Variants in SLC1A7 observed in about 807,000 individuals in gnomAD.
SLC1A7 encodes excitatory amino acid transporter 5.
In SLC1A7, 40 loss-of-function variants were observed where a neutral mutation model predicts 47.7. That is an observed-to-expected ratio of 0.84 (90% confidence interval 0.65 to 1.09). The LOEUF is 1.09. SLC1A7 is among the 50% of genes least tolerant of loss of function. SLC1A7 has a pLI of 0.00. For missense variants in SLC1A7, 746 were observed against 769.5 expected (o/e 0.97, Z 0.36); for synonymous variants, 323 against 325.6 (o/e 0.99, Z 0.09).
intron 3 of SLC1A7, chr1:53,114,511 G>A (rs2150332750): frequency 1.9e-6 from 1 of 517,900 alleles, no homozygotes. Context: ...AATGCTCACA[G>A]ATGTCTGCTC....
chr1:53,096,382 C>T (rs1014156588), intron 5 of SLC1A7, among the ~76,000 whole-genome samples: 6 of 148,252 alleles, frequency 4.0e-5, no homozygotes, highest in African/African-American at 1.5e-4. Context: ...TCACACATCC[C>T]GCCTAGGTAC....
In SLC1A7 at chr1:53,118,080, G is replaced by A. The variant is rs1415995556; in HGVS notation, c.216-3107C>T. 5.9e-5 allele frequency among the ~76,000 whole-genome samples: 9 copies of A among 152,246 alleles called. No homozygotes were observed. The South Asian group carries it at 6.2e-4, about 11-fold the overall frequency. ...TGAGGGCGGAGGCCAAGAAGAATGG[G>A]AGCTGGGCATGCAGAGGTCGTGGCT... On this transcript the variant is annotated intron_variant, in intron 2 of 10. Transcript: ENST00000371494.
At chr1:53,097,195 C>T (rs1426135221) in intron 5 of SLC1A7, among the ~76,000 whole-genome samples, 1 of 151,384 alleles carries the variant, frequency 6.6e-6, no homozygotes, top group Non-Finnish European at 1.5e-5. Context: ...CACCTCAGAA[C>T]ATTCACACAC....
chr1:53,114,361 CACTACCTACCTACCGGTG>C, intron 3 of SLC1A7, among the ~76,000 whole-genome samples: 1 of 152,160 alleles, frequency 6.6e-6, no homozygotes, highest in East Asian at 1.9e-4. Context: ...ATCCTGTCTC[CACTACCTACCTACCGGTG>C]ACTCTGGAAA....
intron 2 of SLC1A7, among the ~76,000 whole-genome samples, chr1:53,125,430 G>A (rs555924015): frequency 1.2e-3 from 190 of 152,280 alleles, no homozygotes; most frequent in African/African-American, 4.5e-3. Flanking sequence ...ATGGAAAACT[G>A]TGCCCATTTG....
intron 2 of SLC1A7, among the ~76,000 whole-genome samples, chr1:53,129,634 G>A (rs1312856974): frequency 1.4e-5 from 2 of 141,046 alleles, no homozygotes; most frequent in Non-Finnish European, 3.1e-5. Flanking sequence ...CTCCAACCCC[G>A]CTGGCCCCAC....
chr1:53,109,340 T>G (rs1317433), intron 3 of SLC1A7, among the ~76,000 whole-genome samples: 23,431 of 152,186 alleles, frequency 0.15, 1,887 homozygotes, highest in Middle Eastern at 0.2. Flanking sequence ...TGTGGTGTTT[T>G]AATAAGATTC....
At position 53,108,736 on chromosome 1, in the gene SLC1A7, G is replaced by C. The variant is rs926397086; in HGVS notation, c.432-2962C>G. ...GCATGGCACGGCACACAGGAGGGCA[G>C]GGCCTGGGACCCTGGTGACTGCCAG... On this transcript the variant is annotated intron_variant, in intron 3 of 10. Transcript: ENST00000371494. The C allele has an allele frequency of 1.3e-5, 9 of 703,478 alleles. No individual in the cohort carries two copies. The Admixed American group carries it at 1.9e-4, about 15-fold the overall frequency. 43.6% of individuals were successfully genotyped at this position (703,478 alleles called of 1,614,324 possible). A position where few individuals can be genotyped will look rare whatever the true frequency, so the allele number is the denominator to read the frequency against.
rs1644412708 is a variant in SLC1A7 at position 53,090,790 on chromosome 1, T to C, written c.1048A>G (p.Ile350Val). ...TTCTCCAGCAGGCACTTGAAGGTGA[T>C]GGGCAGTGTGGCTGAGCTACGGTTA... ...ATSSSSATLP[I>V]TFKCLLENNH... The change falls in exon 8 of 11, where the codon ATC (isoleucine) becomes GTC (valine). Residue 350 changes from isoleucine (I) to valine (V), a missense_variant. Coordinates refer to ENST00000371494, the MANE Select transcript of SLC1A7 (RefSeq NM_006671.6). 1 of 1,612,102 alleles carries C rather than the reference T, an allele frequency of 6.2e-7. No individual in the cohort carries two copies. The highest frequency in any genetic ancestry group is 8.5e-7 in the Non-Finnish European group (1 of 1,179,172).
intron 2 of SLC1A7, among the ~76,000 whole-genome samples, chr1:53,129,492 C>T (rs1220995615): frequency 8.9e-6 from 1 of 112,372 alleles, no homozygotes; most frequent in Non-Finnish European, 1.9e-5. Context: ...CAAGCGTGGG[C>T]TGCACTCAGT....
chr1:53,131,008 C>T (rs1273967466), intron 2 of SLC1A7, among the ~76,000 whole-genome samples: 1 of 152,154 alleles, frequency 6.6e-6, no homozygotes, highest in Non-Finnish European at 1.5e-5. Context: ...TTTAATTTTC[C>T]CTTCATAGGA....
At chr1:53,113,842 C>T (rs1390710763) in intron 3 of SLC1A7, among the ~76,000 whole-genome samples, 2 of 152,180 alleles carry the variant, frequency 1.3e-5, no homozygotes, top group Non-Finnish European at 2.9e-5. Flanking sequence ...TCTGCTGTGT[C>T]ACACTGATGG....
At chr1:53,100,575 C>A (rs1467882412) in intron 5 of SLC1A7, among the ~76,000 whole-genome samples, 1 of 151,754 alleles carries the variant, frequency 6.6e-6, no homozygotes, top group Admixed American at 6.6e-5. Context: ...AATACACATA[C>A]ACATACCACC....
intron 5 of SLC1A7, among the ~76,000 whole-genome samples, chr1:53,093,854 G>T (rs963938127): frequency 6.6e-6 from 1 of 152,140 alleles, no homozygotes; most frequent in Admixed American, 6.5e-5. Context: ...CAAGCTCCCC[G>T]CTGCCTCACC....
At chr1:53,095,583 ACT>A (rs1345940985) in intron 5 of SLC1A7, among the ~76,000 whole-genome samples, 11 of 142,704 alleles carry the variant, frequency 7.7e-5, no homozygotes, top group East Asian at 2.1e-4. Flanking sequence ...GCCTCGATAC[ACT>A]CACACACCCC....
chr1:53,096,279 C>T (rs932153189), intron 5 of SLC1A7, among the ~76,000 whole-genome samples: 21 of 144,212 alleles, frequency 1.5e-4, no homozygotes, highest in Admixed American at 1.1e-3. Flanking sequence ...TCACACACAC[C>T]GACTCGGTAC....
intron 10 of SLC1A7, among the ~76,000 whole-genome samples, chr1:53,088,463 A>G (rs543099758): frequency 6.6e-6 from 1 of 152,242 alleles, no homozygotes; most frequent in East Asian, 1.9e-4. Flanking sequence ...CACAGGGTCC[A>G]TCTGGGGAAT....
In SLC1A7 at chr1:53,100,634, G is replaced by A. The variant is rs369827583; in HGVS notation, c.697+2712C>T. Among the ~76,000 whole-genome samples the A allele has an allele frequency of 4.1e-5, 6 of 146,966 alleles. No individual in the cohort carries two copies. In the South Asian group the frequency reaches 6.6e-4, roughly 16 times the overall value. Reference sequence around the variant, plus strand: ...TCGGTACACTCACACAACCCGTCTCGGTACACTCACACACCTTTCCTCGGT... The same window carrying A: ...TCGGTACACTCACACAACCCGTCTCAGTACACTCACACACCTTTCCTCGGT... On this transcript the variant is annotated intron_variant, in intron 5 of 10. Coordinates refer to ENST00000371494, the MANE Select transcript of SLC1A7 (RefSeq NM_006671.6).
At chr1:53,110,796 C>T (rs1342542154) in intron 3 of SLC1A7, among the ~76,000 whole-genome samples, 2 of 152,122 alleles carry the variant, frequency 1.3e-5, no homozygotes, top group Non-Finnish European at 2.9e-5. Context: ...CTTGCCCCTG[C>T]TCTGTTTGCT....
Sources: allele counts gnomAD v4.1 joint callset (sites outside exome capture counted in the v4.1 genomes callset), GRCh38; gene constraint gnomAD v4.1.1; transcripts MANE v1.5; gene names NCBI Gene and HGNC (gene_info 2026-07-23, HGNC 2026-07-21).